Variants in ERN1 observed in about 807,000 individuals in gnomAD.
The protein encoded by ERN1 is endoplasmic reticulum to nucleus signaling 1, also known as serine/threonine-protein kinase/endoribonuclease IRE1.
Under a neutral mutation model 113.1 loss-of-function variants are expected in ERN1, and 39 were observed. The ratio of observed to expected loss-of-function variants is 0.34; its 90% CI spans 0.27 to 0.45. The LOEUF is 0.45. Ranked by LOEUF, ERN1 falls within the 20% of genes least tolerant of loss-of-function variation. The pLI, the probability that ERN1 is intolerant of heterozygous loss-of-function variation, is 1.00. For missense variants in ERN1, 976 were observed against 1,274.8 expected (o/e 0.77, Z 3.57); for synonymous variants, 507 against 515.9 (o/e 0.98, Z 0.23).
intron 6 of ERN1, among the ~76,000 whole-genome samples, chr17:64,069,592 A>T (rs894953947): frequency 1.3e-5 from 2 of 152,164 alleles, no homozygotes; most frequent in African/African-American, 4.8e-5. Flanking sequence ...ACCTGAAAAC[A>T]TGTGCCTGGC....
intron 2 of ERN1, among the ~76,000 whole-genome samples, chr17:64,086,637 CTTTTTTTTTTTTT>C (rs773655917): frequency 3.4e-4 from 16 of 47,582 alleles, no homozygotes; most frequent in South Asian, 1.2e-3. Context: ...CTTTTCTTTC[CTTTTTTTTTTTTT>C]TTTTTTTTTT....
At chr17:64,105,006 G>T (rs887187726) in intron 1 of ERN1, among the ~76,000 whole-genome samples, 1 of 146,186 alleles carries the variant, frequency 6.8e-6, no homozygotes, top group African/African-American at 2.8e-5. Flanking sequence ...AAAAAAAAAG[G>T]CGTGTACACA....
At chr17:64,067,978 C>T (rs16947430) in intron 7 of ERN1, 90,030 of 506,256 alleles carry the variant, frequency 0.18, 8,879 homozygotes, top group East Asian at 0.32. Context: ...AAGCTTGTCA[C>T]CATTTTACTT....
At chr17:64,115,438 G>A (rs557865739) in intron 1 of ERN1, among the ~76,000 whole-genome samples, 14 of 152,314 alleles carry the variant, frequency 9.2e-5, no homozygotes, top group Admixed American at 2.6e-4. Context: ...GGGGTTTGCC[G>A]TCTAGCAGGA....
chr17:64,088,687 A>C (rs1914002293), intron 2 of ERN1, among the ~76,000 whole-genome samples: 1 of 152,158 alleles, frequency 6.6e-6, no homozygotes, highest in South Asian at 2.1e-4. Context: ...TTATGGTTTG[A>C]GTTACGAAGC....
chr17:64,100,156 G>A (rs187624078), intron 1 of ERN1, among the ~76,000 whole-genome samples: 23 of 152,238 alleles, frequency 1.5e-4, no homozygotes, highest in Middle Eastern at 3.4e-3. Context: ...CTGAACCACA[G>A]GTACCTGGGC....
intron 1 of ERN1, among the ~76,000 whole-genome samples, chr17:64,121,430 T>C (rs1471171897): frequency 6.6e-6 from 1 of 152,206 alleles, no homozygotes; most frequent in African/African-American, 2.4e-5. Flanking sequence ...ATGCACCTGC[T>C]TGGATATTAT....
chr17:64,111,144 T>A (rs1024493750), intron 1 of ERN1, among the ~76,000 whole-genome samples: 1 of 152,208 alleles, frequency 6.6e-6, no homozygotes, highest in African/African-American at 2.4e-5. Context: ...AAATATTTTT[T>A]AAAAGTTTGT....
chr17:64,073,145 C>T (rs1160248462), intron 5 of ERN1, among the ~76,000 whole-genome samples: 1 of 151,548 alleles, frequency 6.6e-6, no homozygotes, highest in Non-Finnish European at 1.5e-5. Context: ...GTTGAGACTA[C>T]AGGCATGTGC....
In ERN1 at chr17:64,055,820, C is replaced by T; in HGVS notation, c.1527G>A (p.Glu509=). 1 of 1,566,236 alleles carries T rather than the reference C, an allele frequency of 6.4e-7. No individual in the cohort carries two copies. The highest frequency in any genetic ancestry group is 8.7e-7 in the Non-Finnish European group (1 of 1,155,584). Reference sequence around the variant, plus strand: ...AGTACGGGCCAGACGTGTCCAGGAGCTCGCCGTCCTGAGCCGTGTCTCCAG... The same window carrying T: ...AGTACGGGCCAGACGTGTCCAGGAGTTCGCCGTCCTGAGCCGTGTCTCCAG... ...HPPGDTAQDG[E]LLDTSGPYSE... The change falls in exon 13 of 22, where the codon GAG becomes GAA. Residue 509 remains glutamate (E), a synonymous_variant. Transcript: ENST00000433197.
chr17:64,088,005 T>G (rs78975532), intron 2 of ERN1, among the ~76,000 whole-genome samples: 1 of 152,166 alleles, frequency 6.6e-6, no homozygotes, highest in East Asian at 1.9e-4. Context: ...ATTTAAATAA[T>G]TGTTTCAAAC....
At chr17:64,111,497 A>G (rs187056753) in intron 1 of ERN1, among the ~76,000 whole-genome samples, 49 of 152,290 alleles carry the variant, frequency 3.2e-4, no homozygotes, top group African/African-American at 1.1e-3. Flanking sequence ...CTGGGATTAC[A>G]GGCACATGCC....
At position 64,054,281 on chromosome 17, in the gene ERN1, G is replaced by A. The variant is rs539679863; in HGVS notation, c.1922C>T (p.Ala641Val). ...TEKDRQFQYI[A>V]IELCAATLQE... The stretch of plus-strand genomic sequence containing the variant: ...CAGGGTGGCTGCACACAGCTCGATG[G>A]CAATGTACTGGAATTGCCGGTCCTT... The change falls in exon 15 of 22, where the codon GCC (alanine) becomes GTC (valine). Residue 641 changes from alanine (A) to valine (V), a missense_variant. Physicochemically the swap from Ala to Val is moderately conservative, Grantham distance 64 (BLOSUM62 0). Around this residue, in one of 5 missense-constraint regions of ERN1, gnomAD observed 297 missense variants for 457.8 expected, o/e 0.65. Coordinates refer to ENST00000433197, the MANE Select transcript of ERN1 (RefSeq NM_001433.5). The surrounding 1 kb of genome is among the most constrained non-coding windows in gnomAD (Gnocchi z 4.9). The A allele has an allele frequency of 1.2e-6, 2 of 1,613,658 alleles. No homozygotes were observed. Among genetic ancestry groups the A allele is most frequent in the East Asian group, 4.5e-5 (2 of 44,874 alleles).
chr17:64,129,712 G>A lies in ERN1; in HGVS notation c.54+264C>T. 7.9e-6 allele frequency: 3 copies of A among 379,210 alleles called. No homozygotes were observed. In the East Asian group the frequency reaches 1.1e-4, roughly 14 times the overall value. 23.5% of individuals were successfully genotyped at this position (379,210 alleles called of 1,614,324 possible). A position where few individuals can be genotyped will look rare whatever the true frequency, so the allele number is the denominator to read the frequency against. On this transcript the variant is annotated intron_variant, in intron 1 of 21. Coordinates refer to ENST00000433197, the MANE Select transcript of ERN1 (RefSeq NM_001433.5). ...CCGAGCCCGCGGGGTCCGGGGAGCCGCTGCCCGTGACAGCCGCGCTGGCTT... is the reference window on the plus strand; with the variant it reads ...CCGAGCCCGCGGGGTCCGGGGAGCCACTGCCCGTGACAGCCGCGCTGGCTT...
In ERN1 at chr17:64,053,973, T is replaced by C. The variant is rs1158329374; in HGVS notation, c.1953+277A>G. The C allele has an allele frequency of 8.6e-6, 3 of 348,702 alleles. No homozygotes were observed. The Admixed American group carries it at 1.3e-4, about 15-fold the overall frequency. The allele number at this position is 348,702 out of a possible 1,614,324, so 21.6% of individuals were successfully genotyped here. A position where few individuals can be genotyped will look rare whatever the true frequency, so the allele number is the denominator to read the frequency against. ...TTTTTTTAATTTGACGGGGTCTCAC[T>C]CTGTTGTCCAGGCTGGAGTGCAGTG... On this transcript the variant is annotated intron_variant, in intron 15 of 21. Transcript: ENST00000433197.
At chr17:64,081,088 T>C (rs1426483165) in intron 2 of ERN1, among the ~76,000 whole-genome samples, 1 of 152,162 alleles carries the variant, frequency 6.6e-6, no homozygotes, top group Non-Finnish European at 1.5e-5. Flanking sequence ...AACTTGCATA[T>C]AACTTGGGGG....
chr17:64,114,111 C>A (rs980827444), intron 1 of ERN1, among the ~76,000 whole-genome samples: 1 of 146,222 alleles, frequency 6.8e-6, no homozygotes, highest in Admixed American at 6.9e-5. Context: ...AGTGTTGAGT[C>A]AACATAAGTA....
At chr17:64,125,234 T>C (rs1043303642) in intron 1 of ERN1, among the ~76,000 whole-genome samples, 3 of 152,186 alleles carry the variant, frequency 2.0e-5, no homozygotes, top group Admixed American at 2.0e-4. Flanking sequence ...GGCTTATCTA[T>C]CCTTTCTAAC....
At chr17:64,108,310 C>T (rs572375519) in intron 1 of ERN1, among the ~76,000 whole-genome samples, 2 of 152,220 alleles carry the variant, frequency 1.3e-5, no homozygotes, top group African/African-American at 4.8e-5. Context: ...GTTTTGGGGC[C>T]TGGGCTGAGT....
Sources: allele counts gnomAD v4.1 joint callset (sites outside exome capture counted in the v4.1 genomes callset), GRCh38; gene constraint gnomAD v4.1.1; regional missense constraint gnomAD v4.1.1; non-coding constraint Gnocchi (gnomAD v3.1); transcripts MANE v1.5; gene names NCBI Gene and HGNC (gene_info 2026-07-23, HGNC 2026-07-21).